AGR3: variants seen among roughly 807,000 people sequenced by gnomAD.
AGR3 encodes anterior gradient 3, protein disulphide isomerase family member.
In AGR3, 37 loss-of-function variants were observed where a neutral mutation model predicts 24.5. The ratio of observed to expected loss-of-function variants is 1.51; its 90% CI spans 1.16 to 1.99. The LOEUF (loss-of-function observed/expected upper bound fraction) is 1.99. Among genes scored for constraint, AGR3 ranks in the 30% most tolerant of loss-of-function variants. The probability of loss-of-function intolerance (pLI) is 0.00; values close to 1 mark genes in which losing one functional copy is unlikely to be tolerated. For synonymous variants in AGR3, 75 were observed against 61.6 expected (o/e 1.22, Z -1.02); for missense variants, 228 against 191.1 (o/e 1.19, Z -1.14).
At position 16,859,598 on chromosome 7, in the gene AGR3, A is replaced by G. The variant is rs201656343; in HGVS notation, c.485T>C (p.Ile162Thr). The G allele has an allele frequency of 7.1e-5, 111 of 1,553,370 alleles. No individual in the cohort carries two copies. The highest frequency in any genetic ancestry group is 9.3e-5 in the Non-Finnish European group (106 of 1,139,304). Residue 162 changes from isoleucine to threonine, a missense_variant, in exon 8 of 8, where the codon ATT becomes ACT. Coordinates refer to ENST00000310398, the MANE Select transcript of AGR3 (RefSeq NM_176813.5). ...CATCATCTCTTATAGCTCTGACTGA[A>G]TAAGTCTTAATGCTTTCTTCATGTT... ...IENMKKALRL[I>T]QSEL
In AGR3 at chr7:16,860,996, AAAACAAATGTCAAACCAATTTATAAT is replaced by A. The variant is rs1374215791; in HGVS notation, c.367+362_367+387del. ...TAAAATCATTTTTGTTTCTTAATCT[AAAACAAATGTCAAACCAATTTATAAT>A]CTAAAACAAATGTCAAACCAATTTA... On this transcript the variant is annotated intron_variant, in intron 6 of 7. Transcript: ENST00000310398. Among the ~76,000 whole-genome samples, 28 of 24,046 alleles carry A rather than the reference AAAACAAATGTCAAACCAATTTATAAT, an allele frequency of 1.2e-3. No individual in the cohort carries two copies. The East Asian group carries it at 0.056, about 48-fold the overall frequency. The allele number at this position is 24,046 out of a possible 152,430, so 15.8% of individuals were successfully genotyped here. A position where few individuals can be genotyped will look rare whatever the true frequency, so the allele number is the denominator to read the frequency against.
chr7:16,877,002 T>C (rs948027990), intron 2 of AGR3, among the ~76,000 whole-genome samples: 1 of 151,998 alleles, frequency 6.6e-6, no homozygotes, highest in East Asian at 1.9e-4. Flanking sequence ...TAGAGTTATG[T>C]TTAGGAAAAT....
chr7:16,878,024 A>G (rs530379520), intron 2 of AGR3, among the ~76,000 whole-genome samples: 57 of 152,302 alleles, frequency 3.7e-4, no homozygotes, highest in Admixed American at 9.2e-4. Context: ...ACTGTCTTCC[A>G]GAGTCAATAT....
chr7:16,864,170 A>T (rs143879294), intron 3 of AGR3: 27 of 704,274 alleles, frequency 3.8e-5, no homozygotes, highest in Admixed American at 5.5e-5. Context: ...ACTGTTGTGT[A>T]ATTCATCAGA....
chr7:16,862,182 T>C, intron 4 of AGR3, 122 bp from the exon 5 acceptor site: 2 of 736,658 alleles, frequency 2.7e-6, no homozygotes, highest in South Asian at 3.6e-5. Flanking sequence ...TAAATATTAA[T>C]AGTTCATTGG....
chr7:16,871,340 T>G (rs1055470160), intron 3 of AGR3, among the ~76,000 whole-genome samples: 5 of 152,206 alleles, frequency 3.3e-5, no homozygotes, highest in Non-Finnish European at 7.4e-5. Flanking sequence ...TATTAGTCCC[T>G]TTGGCATACA....
At chr7:16,864,686 C>G in intron 3 of AGR3, 1 of 1,581,252 alleles carries the variant, frequency 6.3e-7, no homozygotes. Flanking sequence ...GCTTTTGCTG[C>G]CAGGCAATTT....
At chr7:16,857,618 A>G (rs1448065340), downstream of AGR3, among the ~76,000 whole-genome samples, 3 of 152,188 alleles carry the variant, frequency 2.0e-5, no homozygotes, top group Non-Finnish European at 2.9e-5. Flanking sequence ...TTAAAATAAA[A>G]GCTCTAGACT....
intron 3 of AGR3, among the ~76,000 whole-genome samples, chr7:16,872,514 A>G (rs1781903064): frequency 6.6e-6 from 1 of 152,194 alleles, no homozygotes. Flanking sequence ...CTAGAAGAAA[A>G]TATAAGGGAA....
intron 3 of AGR3, chr7:16,866,222 A>G (rs1393583181): frequency 5.7e-6 from 3 of 524,782 alleles, no homozygotes; most frequent in East Asian, 4.5e-5. Context: ...AGATGTCTCT[A>G]TACTCTAGAA....
intron 3 of AGR3, among the ~76,000 whole-genome samples, chr7:16,869,183 C>A (rs1240395284): frequency 6.6e-6 from 1 of 152,070 alleles, no homozygotes; most frequent in African/African-American, 2.4e-5. Context: ...TTCCTCTTTT[C>A]AGATCTATTA....
intron 1 of AGR3, among the ~76,000 whole-genome samples, chr7:16,880,877 A>G (rs952649050): frequency 2.6e-5 from 4 of 152,052 alleles, no homozygotes; most frequent in Admixed American, 2.6e-4. Flanking sequence ...GAGGAACTAA[A>G]GCAACCACCT....
intron 3 of AGR3, chr7:16,865,773 G>T (rs1174336233): frequency 1.9e-5 from 14 of 750,828 alleles, no homozygotes; most frequent in South Asian, 1.8e-4. Context: ...GATTCAGTAT[G>T]AAACATTTCC....
At chr7:16,864,323 C>T (rs1018338609) in intron 3 of AGR3, 1 of 1,360,584 alleles carries the variant, frequency 7.3e-7, no homozygotes, top group Admixed American at 1.7e-5. Flanking sequence ...TCTCCTTGGG[C>T]TGAAAAGAGC....
At chr7:16,869,996 C>G (rs1244021421) in intron 3 of AGR3, among the ~76,000 whole-genome samples, 1 of 151,740 alleles carries the variant, frequency 6.6e-6, no homozygotes. Flanking sequence ...TTGTGATCAT[C>G]TTAAAAAGTT....
At chr7:16,879,353 T>A (rs999951420) in intron 1 of AGR3, among the ~76,000 whole-genome samples, 4 of 152,238 alleles carry the variant, frequency 2.6e-5, no homozygotes, top group African/African-American at 9.6e-5. Flanking sequence ...TTCAAACTGA[T>A]TCTTAACTCA....
Position 16,866,112 on chromosome 7 carries a change from A to G in AGR3, c.174-3450T>C, listed in dbSNP as rs141539482. 294 of 560,494 alleles carry G rather than the reference A, an allele frequency of 5.2e-4. 2 individuals are homozygous for G. The highest frequency in any genetic ancestry group is 4.9e-3 in the African/African-American group (256 of 52,560). 34.7% of individuals were successfully genotyped at this position (560,494 alleles called of 1,614,324 possible). A position where few individuals can be genotyped will look rare whatever the true frequency, so the allele number is the denominator to read the frequency against. Reference sequence around the variant, plus strand: ...CTGTTCTAAGGAAGACAGATTTCCTATTTTTCTAGCTGGAAATATCTTACT... The same window carrying G: ...CTGTTCTAAGGAAGACAGATTTCCTGTTTTTCTAGCTGGAAATATCTTACT... On this transcript the variant is annotated intron_variant, in intron 3 of 7. Transcript: ENST00000310398.
intron 3 of AGR3, among the ~76,000 whole-genome samples, chr7:16,863,075 G>C (rs1052585861): frequency 6.6e-6 from 1 of 152,148 alleles, no homozygotes; most frequent in Non-Finnish European, 1.5e-5. Flanking sequence ...GTCTCAAACA[G>C]ACAAACAAAC....
In AGR3 at chr7:16,873,839, C is replaced by A; in HGVS notation, c.114G>T (p.Trp38Cys). 3 of 1,612,128 alleles carry A rather than the reference C, an allele frequency of 1.9e-6. No individual in the cohort carries two copies. Among genetic ancestry groups the A allele is most frequent in the Non-Finnish European group, 2.5e-6 (3 of 1,178,668 alleles). The change falls in exon 3 of 8, where the codon TGG becomes TGT. Residue 38 changes from tryptophan (W) to cysteine (C), a missense_variant. Trp to Cys is a radical substitution (Grantham distance 215, BLOSUM62 -2). Coordinates refer to ENST00000310398, the MANE Select transcript of AGR3 (RefSeq NM_176813.5). ...TTTGTACCCAAGTGATGTCATCTCC[C>A]CATCCTGAAATAGAAGAGAGAAATC... ...KRPPQTLSRG[W>C]GDDITWVQTY... is the part of the protein sequence containing the mutation.
Sources: gnomAD v4.1 joint callset for allele counts (sites outside exome capture counted in the v4.1 genomes callset) on GRCh38, gnomAD v4.1.1 for gene constraint, MANE v1.5 for transcripts, NCBI Gene and HGNC (gene_info 2026-07-23, HGNC 2026-07-21) for gene names.